Variants in ZRANB3 observed in about 807,000 individuals in gnomAD.
ZRANB3 encodes the protein DNA annealing helicase and endonuclease ZRANB3.
A neutral mutation model predicts 133.8 loss-of-function variants in ZRANB3; 125 were observed. The observed-to-expected ratio is 0.93, with a 90% CI of 0.81 to 1.08. The LOEUF is 1.08. Ranked by LOEUF, ZRANB3 falls within the 50% of genes least tolerant of loss-of-function variation. The probability of loss-of-function intolerance (pLI) is 0.00; values close to 1 mark genes in which losing one functional copy is unlikely to be tolerated. For missense variants in ZRANB3, 1,229 were observed against 1,275.5 expected (o/e 0.96, Z 0.56); for synonymous variants, 387 against 432.7 (o/e 0.89, Z 1.31).
Position 135,315,525 on chromosome 2 carries a change from A to G in ZRANB3, c.683T>C (p.Phe228Ser). The part of the protein sequence containing the change: ...KRYCNAHIRY[F>S]GKRPQWDCRG... ...ACAATCCCACTGAGGTCTTTTACCA[A>G]AATATCTGTTAAAATGAAGACAAAA... is the stretch of plus-strand genomic sequence containing the variant. The change falls in exon 7 of 21, where the codon TTT becomes TCT. Residue 228 changes from phenylalanine to serine, a missense_variant. Coordinates refer to ENST00000264159, the MANE Select transcript of ZRANB3 (RefSeq NM_032143.4). 1 of 1,514,388 alleles carries G rather than the reference A, an allele frequency of 6.6e-7. No homozygotes were observed. Among genetic ancestry groups the G allele is most frequent in the Non-Finnish European group, 8.8e-7 (1 of 1,136,432 alleles). The allele number at this position is 1,514,388 out of a possible 1,614,324, so 93.8% of individuals were successfully genotyped here.
intron 12 of ZRANB3, among the ~76,000 whole-genome samples, chr2:135,250,131 G>A (rs1296297975): frequency 1.3e-5 from 2 of 152,172 alleles, no homozygotes; most frequent in Non-Finnish European, 2.9e-5. Context: ...GGAATTTGCT[G>A]GGAACTGGAG....
intron 3 of ZRANB3, among the ~76,000 whole-genome samples, chr2:135,372,709 C>G (rs939206756): frequency 6.6e-6 from 1 of 151,566 alleles, no homozygotes; most frequent in African/African-American, 2.4e-5. Flanking sequence ...ATGGTGTGAA[C>G]CCGGGAGGCG....
chr2:135,364,833 G>A (rs759090448), intron 3 of ZRANB3, among the ~76,000 whole-genome samples: 52 of 152,000 alleles, frequency 3.4e-4, no homozygotes, highest in Admixed American at 2.0e-3. Context: ...GGCAGATCAC[G>A]AGGTCAGGAG....
In ZRANB3 at chr2:135,207,609, C is replaced by G. The variant is rs1558828738; in HGVS notation, c.2834G>C (p.Trp945Ser). Reference sequence around the variant, plus strand: ...CAGGTAACTGTTATTAGATCGAATCCAAAACTCTTCCTGACATTTCAGAGA... The same window carrying G: ...CAGGTAACTGTTATTAGATCGAATCGAAAACTCTTCCTGACATTTCAGAGA... The part of the protein sequence containing the change: ...FCSLKCQEEF[W>S]IRSNNSYLRA... Residue 945 changes from tryptophan to serine, a missense_variant, in exon 19 of 21, where the codon TGG becomes TCG. Trp to Ser is a radical substitution (Grantham distance 177). Transcript: ENST00000264159. The G allele has an allele frequency of 3.7e-6, 6 of 1,613,962 alleles. No homozygotes were observed. The East Asian group carries it at 1.3e-4, about 36-fold the overall frequency.
chr2:135,424,759 C>T (rs1245932622), intron 2 of ZRANB3, among the ~76,000 whole-genome samples: 2 of 152,038 alleles, frequency 1.3e-5, no homozygotes, highest in Non-Finnish European at 2.9e-5. Context: ...TACATAAAAT[C>T]CCCAAATGAA....
At chr2:135,356,713 T>A (rs534943869) in intron 3 of ZRANB3, among the ~76,000 whole-genome samples, 1 of 152,072 alleles carries the variant, frequency 6.6e-6, no homozygotes, top group African/African-American at 2.4e-5. Context: ...ATTCTTGGGG[T>A]TTTTTTGTGT....
rs1198072867 is a variant in ZRANB3, at chr2:135,230,643, T to C, written c.1824A>G (p.Val608=). ...KQIRTPLVES[V]QEAKAQLTTP... ...TGGTTAACTGGGCCTTGGCCTCCTG[T>C]ACACTTTCCACGAGTGGAGTTCGGA... The change falls in exon 13 of 21, where the codon GTA becomes GTG. Residue 608 remains valine, a synonymous_variant. Transcript: ENST00000264159. The C allele has an allele frequency of 6.2e-7, 1 of 1,613,686 alleles. No homozygotes were observed.
At chr2:135,512,722 T>A (rs1379165633) in intron 1 of ZRANB3, among the ~76,000 whole-genome samples, 3 of 151,416 alleles carry the variant, frequency 2.0e-5, no homozygotes, top group Non-Finnish European at 2.9e-5. Context: ...CAAAAAAAAA[T>A]TATTAAAATA....
chr2:135,491,520 A>T (rs1359066040), intron 2 of ZRANB3, among the ~76,000 whole-genome samples: 2 of 143,312 alleles, frequency 1.4e-5, no homozygotes, highest in African/African-American at 2.6e-5. Flanking sequence ...AATTTTTTGT[A>T]TTTTTTTTTT....
At chr2:135,449,355 C>A (rs1033438074) in intron 2 of ZRANB3, among the ~76,000 whole-genome samples, 2 of 152,154 alleles carry the variant, frequency 1.3e-5, no homozygotes, top group Non-Finnish European at 2.9e-5. Context: ...CGTGGTGGCT[C>A]ATGTCTGTAA....
intron 8 of ZRANB3, among the ~76,000 whole-genome samples, chr2:135,292,422 C>T (rs144030862): frequency 0.11 from 16,820 of 152,050 alleles, 1,197 homozygotes; most frequent in South Asian, 0.32. Context: ...TCATATCCTT[C>T]GCCCACTTTT....
In ZRANB3 at chr2:135,345,580, T is replaced by G. The variant is rs759742107; in HGVS notation, c.647A>C (p.Tyr216Ser). The G allele has an allele frequency of 6.2e-7, 1 of 1,612,950 alleles. No homozygotes were observed. Among genetic ancestry groups the G allele is most frequent in the Admixed American group, 1.7e-5 (1 of 59,888 alleles). The change falls in exon 6 of 21, where the codon TAT (tyrosine) becomes TCT (serine). Residue 216 changes from tyrosine (Y) to serine (S), a missense_variant. By Grantham distance (144) the Tyr-to-Ser change is moderately radical. Transcript: ENST00000264159. ...FPQKFGRWTDYAKRYCNAHIR... is the reference protein window; with the variant it reads ...FPQKFGRWTDSAKRYCNAHIR... ...GTGTGCATTACAGTATCTTTTTGCA[T>G]AGTCGGTCCATCTTCCAAATTTTTG... is the stretch of plus-strand genomic sequence containing the variant.
intron 2 of ZRANB3, among the ~76,000 whole-genome samples, chr2:135,400,351 CT>C (rs556945637): frequency 6.6e-6 from 1 of 151,224 alleles, no homozygotes; most frequent in East Asian, 1.9e-4. Flanking sequence ...TTTGTCTAGT[CT>C]TTTTTTTTCT....
intron 12 of ZRANB3, among the ~76,000 whole-genome samples, chr2:135,239,963 A>ACCACTTGCTCCAGCC (rs1695479426): frequency 1.3e-5 from 2 of 151,922 alleles, no homozygotes; most frequent in Non-Finnish European, 2.9e-5. Flanking sequence ...AGCCTGGGCA[A>ACCACTTGCTCCAGCC]TGGAGCAAGA....
chr2:135,258,810 T>C (rs936392296), intron 12 of ZRANB3, among the ~76,000 whole-genome samples: 37 of 152,164 alleles, frequency 2.4e-4, no homozygotes, highest in African/African-American at 8.9e-4. Flanking sequence ...AGAAGAGATT[T>C]TGGACAAGAG....
intron 3 of ZRANB3, among the ~76,000 whole-genome samples, chr2:135,387,730 T>C (rs1574018695): frequency 6.6e-6 from 1 of 152,092 alleles, no homozygotes; most frequent in East Asian, 1.9e-4. Flanking sequence ...GACAGGAAGG[T>C]GGAAGTTTTT....
At chr2:135,261,061 T>G (rs1425077345) in intron 12 of ZRANB3, among the ~76,000 whole-genome samples, 1 of 150,736 alleles carries the variant, frequency 6.6e-6, no homozygotes, top group African/African-American at 2.4e-5. Context: ...AACCATCCAA[T>G]TAGAACTGAT....
At chr2:135,306,340 T>G (rs1682700283) in intron 8 of ZRANB3, among the ~76,000 whole-genome samples, 1 of 149,820 alleles carries the variant, frequency 6.7e-6, no homozygotes, top group East Asian at 2.0e-4. Context: ...CAGGCTGGAG[T>G]GCAGTGGTGC....
intron 6 of ZRANB3, among the ~76,000 whole-genome samples, chr2:135,332,060 C>T (rs1684172428): frequency 6.6e-6 from 1 of 151,896 alleles, no homozygotes; most frequent in Non-Finnish European, 1.5e-5. Context: ...GCATTCATTA[C>T]ATGTAAGATA....
Sources: allele counts gnomAD v4.1 joint callset (sites outside exome capture counted in the v4.1 genomes callset), GRCh38; gene constraint gnomAD v4.1.1; transcripts MANE v1.5; gene names NCBI Gene and HGNC (gene_info 2026-07-23, HGNC 2026-07-21).